ABLIM1: variants seen among roughly 807,000 people sequenced by gnomAD.
ABLIM1 encodes actin-binding LIM protein 1.
In ABLIM1, 40 loss-of-function variants were observed where a neutral mutation model predicts 107.0. That is an observed-to-expected ratio of 0.37 (90% CI 0.29 to 0.49). The LOEUF is 0.49. Ranked by LOEUF, ABLIM1 falls within the 20% of genes least tolerant of loss-of-function variation. ABLIM1 has a pLI of 0.97. For missense variants in ABLIM1, 857 were observed against 1,008.5 expected, an observed-to-expected ratio of 0.85 and a Z score of 2.04; for synonymous variants, 357 against 357.3, an observed-to-expected ratio of 1.00 and a Z score of 0.01.
At chr10:114,649,862 CT>C (rs36021593) in intron 1 of ABLIM1, among the ~76,000 whole-genome samples, 105,606 of 145,980 alleles carry the variant, frequency 0.72, 38,329 homozygotes, top group African/African-American at 0.84. Context: ...TCTTTTTTTT[CT>C]TTTTTTTTTT....
At chr10:114,437,103 A>G (rs1224615137) in intron 22 of ABLIM1, among the ~76,000 whole-genome samples, 1 of 152,138 alleles carries the variant, frequency 6.6e-6, no homozygotes, top group Non-Finnish European at 1.5e-5. Context: ...AGTATAAATC[A>G]GTATAAATGT....
intron 8 of ABLIM1, among the ~76,000 whole-genome samples, chr10:114,474,459 C>T (rs962004923): frequency 7.3e-5 from 11 of 150,318 alleles, no homozygotes; most frequent in African/African-American, 2.7e-4. Flanking sequence ...TGGCTCACTG[C>T]AAGCTCCGCC....
chr10:114,579,603 A>T (rs1243984256), intron 2 of ABLIM1, among the ~76,000 whole-genome samples: 2 of 152,190 alleles, frequency 1.3e-5, no homozygotes, highest in Admixed American at 6.5e-5. Flanking sequence ...CATATAACAA[A>T]AAATTTACCA....
At chr10:114,674,056 G>A (rs541440499) in intron 1 of ABLIM1, among the ~76,000 whole-genome samples, 3 of 152,148 alleles carry the variant, frequency 2.0e-5, no homozygotes, top group Non-Finnish European at 4.4e-5. Flanking sequence ...TTGGGAGGCC[G>A]AGGCAGGCAG....
At chr10:114,742,954 G>T (rs1448797899) in intron 1 of ABLIM1, among the ~76,000 whole-genome samples, 1 of 151,998 alleles carries the variant, frequency 6.6e-6, no homozygotes, top group African/African-American at 2.4e-5. Flanking sequence ...TCTACCTCAA[G>T]GACAGATGTG....
At chr10:114,501,771 C>G (rs1165948864) in intron 6 of ABLIM1, among the ~76,000 whole-genome samples, 1 of 152,154 alleles carries the variant, frequency 6.6e-6, no homozygotes, top group Non-Finnish European at 1.5e-5. Flanking sequence ...ACACAGTCTC[C>G]CCCACTAAGA....
At chr10:114,493,126 C>A (rs2059227158) in intron 6 of ABLIM1, among the ~76,000 whole-genome samples, 2 of 151,970 alleles carry the variant, frequency 1.3e-5, no homozygotes, top group South Asian at 2.1e-4. Flanking sequence ...CGAGAGAAGG[C>A]GGGAAATATC....
chr10:114,786,706 A>G, the ABLIM1 span, among the ~76,000 whole-genome samples: 111 of 152,350 alleles, frequency 7.3e-4, 1 homozygote, highest in East Asian at 0.02. Context: ...CTGGTTGGCC[A>G]GGCTGGTCTC....
At chr10:114,706,046 T>C (rs948434606) in intron 1 of ABLIM1, among the ~76,000 whole-genome samples, 1 of 152,158 alleles carries the variant, frequency 6.6e-6, no homozygotes, top group African/African-American at 2.4e-5. Flanking sequence ...ACTCAGATCT[T>C]TAAACCTCAA....
intron 2 of ABLIM1, among the ~76,000 whole-genome samples, chr10:114,587,718 C>T (rs979595464): frequency 3.9e-5 from 6 of 152,132 alleles, no homozygotes; most frequent in Admixed American, 6.6e-5. Flanking sequence ...CTGACTATGC[C>T]TACCATGCTC....
At chr10:114,709,809 A>G (rs2081508318) in intron 1 of ABLIM1, among the ~76,000 whole-genome samples, 1 of 152,212 alleles carries the variant, frequency 6.6e-6, no homozygotes, top group South Asian at 2.1e-4. Flanking sequence ...TTTAGGAATT[A>G]CCACTTTTGA....
chr10:114,743,074 A>C (rs181076627), intron 1 of ABLIM1, among the ~76,000 whole-genome samples: 15 of 152,312 alleles, frequency 9.8e-5, no homozygotes, highest in East Asian at 1.9e-4. Context: ...ACTACTACTA[A>C]TAAGTAGTAT....
intron 1 of ABLIM1, among the ~76,000 whole-genome samples, chr10:114,747,666 T>C (rs542375428): frequency 6.6e-6 from 1 of 152,374 alleles, no homozygotes; most frequent in African/African-American, 2.4e-5. Flanking sequence ...AGTATACAAA[T>C]GATCCAGTTT....
chr10:114,668,738 A>G (rs1407211753), intron 1 of ABLIM1, among the ~76,000 whole-genome samples: 4 of 152,202 alleles, frequency 2.6e-5, no homozygotes, highest in Non-Finnish European at 5.9e-5. Flanking sequence ...CAGGAAAGAC[A>G]ATGAGATTTG....
chr10:114,649,854 T>A (rs934573168), intron 1 of ABLIM1, among the ~76,000 whole-genome samples: 30 of 69,802 alleles, frequency 4.3e-4, no homozygotes, highest in African/African-American at 2.6e-3. Flanking sequence ...ATCCCCCCTC[T>A]TTTTTTTCTT....
intron 16 of ABLIM1, among the ~76,000 whole-genome samples, chr10:114,444,845 C>T (rs145919829): frequency 2.3e-3 from 344 of 152,222 alleles, no homozygotes; most frequent in African/African-American, 7.9e-3. Flanking sequence ...TCATGGTGGC[C>T]ATTCCTTTCA....
At chr10:114,697,188 T>C (rs1447901749) in intron 1 of ABLIM1, among the ~76,000 whole-genome samples, 2 of 152,214 alleles carry the variant, frequency 1.3e-5, no homozygotes, top group Non-Finnish European at 2.9e-5. Context: ...TCAGCCTCAC[T>C]GTCCACCAAC....
chr10:114,465,570 C>T (rs1167576705), intron 12 of ABLIM1, 128 bp downstream of exon 12: 21 of 1,212,046 alleles, frequency 1.7e-5, no homozygotes, highest in Non-Finnish European at 2.3e-5. Flanking sequence ...TACCAGTTTT[C>T]ATTTTGCTCT....
chr10:114,472,875 A>G, intron 10 of ABLIM1, 102 bp downstream of exon 10: 1 of 1,257,206 alleles, frequency 8.0e-7, no homozygotes, highest in Non-Finnish European at 1.1e-6. Flanking sequence ...AGGCAGACAA[A>G]AGACCACCTG....
Sources: gnomAD v4.1 joint callset for allele counts (sites outside exome capture counted in the v4.1 genomes callset) on GRCh38, gnomAD v4.1.1 for gene constraint, MANE v1.5 for transcripts, NCBI Gene and HGNC (gene_info 2026-07-23, HGNC 2026-07-21) for gene names.